BMP6: variants seen among roughly 807,000 people sequenced by gnomAD.
BMP6 encodes the protein VG-1-R.
Under a neutral mutation model 54.1 loss-of-function variants are expected in BMP6, and 17 were observed. The observed-to-expected ratio is 0.31, with a 90% CI of 0.22 to 0.47. BMP6 has a LOEUF of 0.47. Ranked by LOEUF, BMP6 falls within the 20% of genes least tolerant of loss-of-function variation. The pLI, the probability that BMP6 is intolerant of heterozygous loss-of-function variation, is 1.00. For missense variants in BMP6, 720 were observed against 690.4 expected (o/e 1.04, Z -0.48); for synonymous variants, 328 against 291.2 (o/e 1.13, Z -1.28).
chr6:7,824,693 A>T (rs1056949488), intron 1 of BMP6, among the ~76,000 whole-genome samples: 2 of 152,218 alleles, frequency 1.3e-5, no homozygotes, highest in Non-Finnish European at 2.9e-5. Flanking sequence ...TTATTAACAT[A>T]CCTTGTAGAT....
intron 2 of BMP6, among the ~76,000 whole-genome samples, chr6:7,856,653 G>A (rs1166707832): frequency 7.8e-6 from 1 of 128,246 alleles, no homozygotes; most frequent in Non-Finnish European, 1.6e-5. Context: ...CTGGAGTGCA[G>A]TGGCGGGATC....
At chr6:7,749,856 G>A (rs1757397039) in intron 1 of BMP6, among the ~76,000 whole-genome samples, 1 of 152,216 alleles carries the variant, frequency 6.6e-6, no homozygotes, top group Non-Finnish European at 1.5e-5. Context: ...TTTCAATTTA[G>A]TATGTCTGAT....
At chr6:7,854,426 C>A (rs1300291203) in intron 2 of BMP6, among the ~76,000 whole-genome samples, 1 of 151,974 alleles carries the variant, frequency 6.6e-6, no homozygotes, top group Admixed American at 6.6e-5. Flanking sequence ...TTCATTTCCC[C>A]ACCTTGGACG....
intron 1 of BMP6, among the ~76,000 whole-genome samples, chr6:7,751,094 A>G (rs1357699468): frequency 6.6e-6 from 1 of 152,240 alleles, no homozygotes; most frequent in Non-Finnish European, 1.5e-5. Flanking sequence ...GCTTCAAGGC[A>G]GACTTGACCA....
chr6:7,738,687 T>C (rs146990739), intron 1 of BMP6, among the ~76,000 whole-genome samples: 5 of 152,228 alleles, frequency 3.3e-5, no homozygotes, highest in Non-Finnish European at 5.9e-5. Flanking sequence ...CGATTCTTTT[T>C]AAATTTTTTG....
At chr6:7,751,392 A>G (rs886584996) in intron 1 of BMP6, among the ~76,000 whole-genome samples, 1 of 152,174 alleles carries the variant, frequency 6.6e-6, no homozygotes, top group African/African-American at 2.4e-5. Context: ...TATAAAAGCA[A>G]TTTTGTTAAG....
intron 2 of BMP6, among the ~76,000 whole-genome samples, chr6:7,850,422 T>C (rs1391408940): frequency 3.7e-4 from 57 of 152,212 alleles, no homozygotes; most frequent in Non-Finnish European, 4.4e-5. Flanking sequence ...ATATATTCTT[T>C]TCTTCCCCCT....
chr6:7,739,909 C>G (rs747622194), intron 1 of BMP6, among the ~76,000 whole-genome samples: 1 of 152,162 alleles, frequency 6.6e-6, no homozygotes, highest in Non-Finnish European at 1.5e-5. Context: ...TCCTTAGTTT[C>G]TACAACACTG....
intron 1 of BMP6, among the ~76,000 whole-genome samples, chr6:7,785,048 C>G (rs967743174): frequency 1.2e-4 from 19 of 152,242 alleles, no homozygotes; most frequent in Non-Finnish European, 2.4e-4. Context: ...TAGATGAATT[C>G]TGATCTCCCA....
chr6:7,869,637 C>G (rs556585640), intron 4 of BMP6, among the ~76,000 whole-genome samples: 5 of 152,182 alleles, frequency 3.3e-5, no homozygotes, highest in Admixed American at 2.0e-4. Flanking sequence ...CCGTCACTGT[C>G]ACATGGGCCC....
chr6:7,857,302 A>G (rs1255082219), intron 2 of BMP6, among the ~76,000 whole-genome samples: 1 of 152,254 alleles, frequency 6.6e-6, no homozygotes, highest in Non-Finnish European at 1.5e-5. Context: ...TCATTTGCCC[A>G]GGATGACCAC....
chr6:7,861,332 G>GC, intron 2 of BMP6, 119 bp from the exon 3 acceptor site: 1 of 1,303,778 alleles, frequency 7.7e-7, no homozygotes, highest in South Asian at 1.4e-5. Context: ...CTGTGCTTGT[G>GC]CCTCACAGGT....
chr6:7,788,260 AGTGATAGACCACAT>A (rs1388304223), intron 1 of BMP6, among the ~76,000 whole-genome samples: 3 of 152,236 alleles, frequency 2.0e-5, no homozygotes, highest in Non-Finnish European at 4.4e-5. Context: ...TGAGGGCATT[AGTGATAGACCACAT>A]GTTAAGGCTG....
chr6:7,806,189 G>A (rs1388962083), intron 1 of BMP6, among the ~76,000 whole-genome samples: 1 of 152,254 alleles, frequency 6.6e-6, no homozygotes, highest in East Asian at 1.9e-4. Flanking sequence ...CCAGCATCCT[G>A]AGACTTTCCC....
At chr6:7,847,610 A>G (rs169124) in intron 2 of BMP6, among the ~76,000 whole-genome samples, 66,997 of 151,940 alleles carry the variant, frequency 0.44, 15,232 homozygotes, top group East Asian at 0.72. Flanking sequence ...AAAATAGTTG[A>G]CCTCCTTGAA....
intron 1 of BMP6, among the ~76,000 whole-genome samples, chr6:7,788,275 G>T (rs1424239764): frequency 6.6e-6 from 1 of 152,182 alleles, no homozygotes; most frequent in African/African-American, 2.4e-5. Flanking sequence ...TAGACCACAT[G>T]TTAAGGCTGT....
intron 1 of BMP6, among the ~76,000 whole-genome samples, chr6:7,824,668 G>C (rs1383165213): frequency 6.6e-6 from 1 of 152,184 alleles, no homozygotes; most frequent in Non-Finnish European, 1.5e-5. Context: ...AGGGTAATCT[G>C]ATAATCCCAA....
intron 2 of BMP6, among the ~76,000 whole-genome samples, chr6:7,855,016 A>G (rs899215984): frequency 2.0e-5 from 3 of 152,138 alleles, no homozygotes; most frequent in Admixed American, 2.0e-4. Context: ...AATAACACTG[A>G]TACTTTGGAC....
At chr6:7,733,086 A>G (rs1761896086) in intron 1 of BMP6, among the ~76,000 whole-genome samples, 2 of 151,090 alleles carry the variant, frequency 1.3e-5, no homozygotes, top group Admixed American at 1.3e-4. Flanking sequence ...TTGTATTTTT[A>G]GTGGAGCTGG....
Sources: gnomAD v4.1 joint callset for allele counts (sites outside exome capture counted in the v4.1 genomes callset) on GRCh38, gnomAD v4.1.1 for gene constraint, MANE v1.5 for transcripts, NCBI Gene and HGNC (gene_info 2026-07-23, HGNC 2026-07-21) for gene names.